The following AFF3 variants were observed in gnomAD, a reference collection of about 807,000 sequenced individuals.
AFF3 encodes AF4/FMR2 family member 3.
A neutral mutation model predicts 129.7 loss-of-function variants in AFF3; 32 were observed. The ratio of observed to expected loss-of-function variants is 0.25; its 90% CI spans 0.19 to 0.33. The LOEUF is 0.33. AFF3 is among the 10% of genes least tolerant of loss of function. The probability of loss-of-function intolerance (pLI) is 1.00; values close to 1 mark genes in which losing one functional copy is unlikely to be tolerated. For missense variants in AFF3, 1,373 were observed against 1,592.0 expected (o/e 0.86, Z 2.34); for synonymous variants, 644 against 635.4 (o/e 1.01, Z -0.20).
chr2:100,018,136 T>C (rs1396810015), intron 4 of AFF3, among the ~76,000 whole-genome samples: 2 of 152,162 alleles, frequency 1.3e-5, no homozygotes, highest in Non-Finnish European at 2.9e-5. Flanking sequence ...ACTAATACTC[T>C]AGTCCCTACA....
chr2:99,808,781 C>A (rs183785377), intron 8 of AFF3, among the ~76,000 whole-genome samples: 1 of 152,304 alleles, frequency 6.6e-6, no homozygotes, highest in African/African-American at 2.4e-5. Context: ...CATAGAGAAG[C>A]AGCCCCCTGC....
chr2:99,691,004 T>C (rs1442270165), intron 11 of AFF3, among the ~76,000 whole-genome samples: 2 of 152,112 alleles, frequency 1.3e-5, no homozygotes, highest in African/African-American at 4.8e-5. Flanking sequence ...GGAATGCATG[T>C]TGGAGGGACC....
intron 7 of AFF3, among the ~76,000 whole-genome samples, chr2:99,874,734 A>G (rs1310258992): frequency 6.6e-6 from 1 of 152,142 alleles, no homozygotes; most frequent in Non-Finnish European, 1.5e-5. Flanking sequence ...AAATGTGAAT[A>G]TATTCTGTGG....
At chr2:100,014,783 CT>C (rs60456923) in intron 4 of AFF3, among the ~76,000 whole-genome samples, 1,620 of 120,372 alleles carry the variant, frequency 0.013, 38 homozygotes, top group African/African-American at 0.046. Flanking sequence ...ACCTTGCTTC[CT>C]TTTTTTTTTT....
At chr2:99,770,637 G>A (rs1052050963) in intron 8 of AFF3, among the ~76,000 whole-genome samples, 4 of 152,144 alleles carry the variant, frequency 2.6e-5, no homozygotes, top group Non-Finnish European at 4.4e-5. Flanking sequence ...AAGGCCCATG[G>A]CATATGACCT....
intron 8 of AFF3, among the ~76,000 whole-genome samples, chr2:99,785,899 C>CA (rs1164874319): frequency 6.6e-6 from 1 of 152,178 alleles, no homozygotes; most frequent in Non-Finnish European, 1.5e-5. Flanking sequence ...AGGCACGTGT[C>CA]ACCATGCCTG....
intron 7 of AFF3, among the ~76,000 whole-genome samples, chr2:99,848,116 G>A (rs1444657568): frequency 6.6e-6 from 1 of 151,964 alleles, no homozygotes; most frequent in African/African-American, 2.4e-5. Flanking sequence ...AGGGCATGGT[G>A]GTGTGTGCCG....
chr2:99,721,190 C>G (rs571830025), intron 11 of AFF3, among the ~76,000 whole-genome samples: 1 of 152,096 alleles, frequency 6.6e-6, no homozygotes, highest in African/African-American at 2.4e-5. Flanking sequence ...TTGTACATCC[C>G]AACATGTCTT....
chr2:99,609,718 T>C (rs1277893754), intron 13 of AFF3, among the ~76,000 whole-genome samples: 4 of 152,202 alleles, frequency 2.6e-5, no homozygotes, highest in Non-Finnish European at 5.9e-5. Flanking sequence ...AGTACAGAGA[T>C]CGTTCTTGTG....
intron 7 of AFF3, among the ~76,000 whole-genome samples, chr2:99,966,136 C>A (rs1677722252): frequency 6.6e-6 from 1 of 152,118 alleles, no homozygotes; most frequent in Non-Finnish European, 1.5e-5. Flanking sequence ...GTTTTCCAAA[C>A]CACATCCATC....
intron 11 of AFF3, among the ~76,000 whole-genome samples, chr2:99,687,294 C>T (rs1675155930): frequency 6.6e-6 from 1 of 152,182 alleles, no homozygotes; most frequent in Non-Finnish European, 1.5e-5. Flanking sequence ...GAAATAGGCA[C>T]TTCACAATTA....
At chr2:99,916,203 C>T (rs1695464910) in intron 7 of AFF3, among the ~76,000 whole-genome samples, 1 of 152,190 alleles carries the variant, frequency 6.6e-6, no homozygotes, top group South Asian at 2.1e-4. Context: ...GCCTGGGACA[C>T]TCTTCCCTTC....
At chr2:99,746,384 T>C (rs1228656424) in intron 9 of AFF3, among the ~76,000 whole-genome samples, 1 of 152,166 alleles carries the variant, frequency 6.6e-6, no homozygotes, top group Non-Finnish European at 1.5e-5. Flanking sequence ...CAAGTACTAA[T>C]GTCTGCTTTA....
chr2:99,993,724 A>G (rs934819932), intron 7 of AFF3, among the ~76,000 whole-genome samples: 7 of 151,562 alleles, frequency 4.6e-5, no homozygotes, highest in African/African-American at 1.7e-4. Context: ...ATGATTAAGC[A>G]TAAGGACAGT....
At chr2:99,626,615 G>C (rs530273901) in intron 13 of AFF3, among the ~76,000 whole-genome samples, 1 of 146,826 alleles carries the variant, frequency 6.8e-6, no homozygotes, top group African/African-American at 2.5e-5. Context: ...TACATGTGCA[G>C]GTTTGTTATA....
chr2:99,956,109 T>C (rs964290144), intron 7 of AFF3, among the ~76,000 whole-genome samples: 2 of 147,636 alleles, frequency 1.4e-5, no homozygotes, highest in Non-Finnish European at 3.0e-5. Flanking sequence ...TTCATCTTCC[T>C]CCTCATTTAG....
At chr2:99,938,738 G>T (rs1039382884) in intron 7 of AFF3, among the ~76,000 whole-genome samples, 5 of 152,134 alleles carry the variant, frequency 3.3e-5, no homozygotes, top group Non-Finnish European at 7.4e-5. Context: ...TCTTCCCTGG[G>T]TGTCTAGCCT....
intron 8 of AFF3, among the ~76,000 whole-genome samples, chr2:99,779,514 ATTC>A (rs1558842620): frequency 1.3e-5 from 2 of 152,286 alleles, no homozygotes; most frequent in Non-Finnish European, 2.9e-5. Flanking sequence ...CACAGTTATT[ATTC>A]TTATTAGTCA....
intron 2 of AFF3, among the ~76,000 whole-genome samples, chr2:100,119,501 A>G (rs1254027762): frequency 6.6e-6 from 1 of 152,194 alleles, no homozygotes; most frequent in Non-Finnish European, 1.5e-5. Context: ...GTGAAAAGTC[A>G]ATACAAGCAG....
Sources: gnomAD v4.1 joint callset for allele counts (sites outside exome capture counted in the v4.1 genomes callset) on GRCh38, gnomAD v4.1.1 for gene constraint, MANE v1.5 for transcripts, NCBI Gene and HGNC (gene_info 2026-07-23, HGNC 2026-07-21) for gene names.